Variants in XKR9 observed in about 807,000 individuals in gnomAD.
XKR9 encodes the protein XK related 9, also known as XK-related protein 9.
In XKR9, 32 loss-of-function variants were observed where a neutral mutation model predicts 32.0. The ratio of observed to expected loss-of-function variants is 1.00; its 90% CI spans 0.76 to 1.34. The LOEUF is 1.34. XKR9 is among the 40% of genes most tolerant of loss of function. XKR9 has a pLI of 0.00. For missense variants in XKR9, 546 were observed against 429.7 expected, an observed-to-expected ratio of 1.27 and a Z score of -2.39; for synonymous variants, 168 against 143.4, an observed-to-expected ratio of 1.17 and a Z score of -1.22.
At chr8:71,000,797 G>T in the XKR9 span, among the ~76,000 whole-genome samples, 6 of 152,182 alleles carry the variant, frequency 3.9e-5, no homozygotes, top group South Asian at 2.1e-4. Context: ...TGGACCTGCC[G>T]CAAGAAGATG....
chr8:70,896,702 C>A, the XKR9 span, among the ~76,000 whole-genome samples: 1 of 151,438 alleles, frequency 6.6e-6, no homozygotes, highest in Non-Finnish European at 1.5e-5. Context: ...CTTCTTTCTG[C>A]TTGGTTTGGG....
chr8:71,011,736 C>T, the XKR9 span, among the ~76,000 whole-genome samples: 25 of 152,182 alleles, frequency 1.6e-4, no homozygotes, highest in African/African-American at 5.8e-4. Flanking sequence ...ACTTGGTCAG[C>T]ATGCCTCAAC....
At chr8:70,997,888 G>A in the XKR9 span, among the ~76,000 whole-genome samples, 16 of 152,210 alleles carry the variant, frequency 1.1e-4, no homozygotes, top group African/African-American at 3.6e-4. Context: ...TGTAGGATGC[G>A]GAACTGATTG....
the XKR9 span, among the ~76,000 whole-genome samples, chr8:70,997,037 C>T: frequency 6.6e-6 from 1 of 152,198 alleles, no homozygotes; most frequent in Non-Finnish European, 1.5e-5. Context: ...GTGGCTCACG[C>T]CTGTAATCCT....
At chr8:70,749,886 G>A (rs540591239) in intron 2 of XKR9, among the ~76,000 whole-genome samples, 1 of 152,300 alleles carries the variant, frequency 6.6e-6, no homozygotes, top group South Asian at 2.1e-4. Context: ...GTTGCATGTT[G>A]TGTTTATTCC....
the XKR9 span, among the ~76,000 whole-genome samples, chr8:70,956,077 C>A: frequency 3.9e-5 from 6 of 152,158 alleles, no homozygotes; most frequent in African/African-American, 1.4e-4. Context: ...TCCTTCTCAT[C>A]GCTTGCAACA....
the XKR9 span, among the ~76,000 whole-genome samples, chr8:71,048,993 C>T: frequency 5.9e-5 from 9 of 152,158 alleles, no homozygotes; most frequent in Non-Finnish European, 1.3e-4. Context: ...GACTTAAGTG[C>T]TCATGTGGGA....
At chr8:70,997,103 G>C in the XKR9 span, among the ~76,000 whole-genome samples, 1 of 152,164 alleles carries the variant, frequency 6.6e-6, no homozygotes, top group Non-Finnish European at 1.5e-5. Flanking sequence ...TTTGAGACCA[G>C]CCTGGCCAAC....
the XKR9 span, among the ~76,000 whole-genome samples, chr8:70,939,995 G>A: frequency 1.3e-5 from 2 of 151,996 alleles, no homozygotes; most frequent in South Asian, 4.2e-4. Context: ...TTTACCCAAA[G>A]CTAGTATGGA....
At chr8:70,955,553 C>T in the XKR9 span, among the ~76,000 whole-genome samples, 4 of 152,220 alleles carry the variant, frequency 2.6e-5, no homozygotes, top group Non-Finnish European at 5.9e-5. Context: ...TAGGATAACA[C>T]ATATTCTTCC....
At chr8:70,979,404 C>T in the XKR9 span, among the ~76,000 whole-genome samples, 3 of 152,118 alleles carry the variant, frequency 2.0e-5, no homozygotes, top group East Asian at 1.9e-4. Context: ...ATGATGGTGA[C>T]GTACAGATGG....
chr8:70,848,156 G>A, the XKR9 span, among the ~76,000 whole-genome samples: 2 of 152,184 alleles, frequency 1.3e-5, no homozygotes, highest in East Asian at 1.9e-4. Flanking sequence ...TGCAAGGATG[G>A]TTCAACATAT....
chr8:70,736,082 A>G (rs1421124965), downstream of XKR9: 2 of 152,206 alleles, frequency 1.3e-5, no homozygotes, highest in African/African-American at 2.4e-5. Context: ...TCCCAGCAAC[A>G]GTGTAAAAGT....
At chr8:70,844,838 C>G in the XKR9 span, among the ~76,000 whole-genome samples, 1 of 152,230 alleles carries the variant, frequency 6.6e-6, no homozygotes, top group Non-Finnish European at 1.5e-5. Flanking sequence ...CATGCCACTT[C>G]AAAGCCCAAG....
intron 2 of XKR9, among the ~76,000 whole-genome samples, chr8:70,776,947 C>CTCTCTCTCTCTCTATATATA: frequency 3.0e-3 from 164 of 54,186 alleles, no homozygotes; most frequent in East Asian, 0.014. Flanking sequence ...CTCTCTCTCT[C>CTCTCTCTCTCTCTATATATA]TATATATATA....
the XKR9 span, among the ~76,000 whole-genome samples, chr8:70,796,346 T>G: frequency 2.0e-5 from 3 of 152,126 alleles, no homozygotes; most frequent in Non-Finnish European, 2.9e-5. Flanking sequence ...ATTATCTAAG[T>G]TATCTAATTT....
chr8:71,009,596 A>G, the XKR9 span, among the ~76,000 whole-genome samples: 2 of 152,166 alleles, frequency 1.3e-5, no homozygotes, highest in Non-Finnish European at 2.9e-5. Flanking sequence ...TGTGCCTGAC[A>G]TATAGTCAAT....
At chr8:70,880,556 A>G in the XKR9 span, among the ~76,000 whole-genome samples, 1 of 152,198 alleles carries the variant, frequency 6.6e-6, no homozygotes, top group African/African-American at 2.4e-5. Context: ...CTAGGAATCC[A>G]ACTTACAAGG....
chr8:70,810,309 A>G, the XKR9 span, among the ~76,000 whole-genome samples: 1 of 152,234 alleles, frequency 6.6e-6, no homozygotes, highest in Admixed American at 6.5e-5. Context: ...ATGGAAAGGA[A>G]CAACCGGTAA....
Sources: gnomAD v4.1 joint callset for allele counts (sites outside exome capture counted in the v4.1 genomes callset) on GRCh38, gnomAD v4.1.1 for gene constraint, MANE v1.5 for transcripts, NCBI Gene and HGNC (gene_info 2026-07-23, HGNC 2026-07-21) for gene names.